PLSCR1: variants seen among roughly 807,000 people sequenced by gnomAD.
PLSCR1 encodes the protein phospholipid scramblase 1.
A neutral mutation model predicts 37.8 loss-of-function variants in PLSCR1; 17 were observed. The ratio of observed to expected loss-of-function variants is 0.45; its 90% CI spans 0.31 to 0.68. PLSCR1 has a LOEUF of 0.68. PLSCR1 is among the 30% of genes least tolerant of loss of function. The pLI, the probability that PLSCR1 is intolerant of heterozygous loss-of-function variation, is 0.06. For missense variants in PLSCR1, 347 were observed against 380.9 expected (o/e 0.91, Z 0.74); for synonymous variants, 116 against 125.9 (o/e 0.92, Z 0.53).
intron 3 of PLSCR1, among the ~76,000 whole-genome samples, chr3:146,530,371 C>A (rs1576791149): frequency 6.6e-6 from 1 of 152,064 alleles, no homozygotes; most frequent in Admixed American, 6.5e-5. Flanking sequence ...TGAATATTTA[C>A]AAATGATCAT....
chr3:146,520,555 C>T (rs1282528921), intron 7 of PLSCR1, among the ~76,000 whole-genome samples: 1 of 152,116 alleles, frequency 6.6e-6, no homozygotes, highest in East Asian at 1.9e-4. Context: ...ATATCACATC[C>T]TCCTTAGAAC....
chr3:146,529,416 T>A (rs2044165062), intron 3 of PLSCR1, among the ~76,000 whole-genome samples: 1 of 152,104 alleles, frequency 6.6e-6, no homozygotes. Context: ...GCTACACATC[T>A]TAAAAGAGCC....
intron 1 of PLSCR1, among the ~76,000 whole-genome samples, chr3:146,537,157 G>A (rs981093949): frequency 6.6e-6 from 1 of 151,594 alleles, no homozygotes; most frequent in Non-Finnish European, 1.5e-5. Context: ...ACTCTCAGGA[G>A]TTGTCACAGC....
chr3:146,532,148 A>G (rs986389931), intron 3 of PLSCR1, among the ~76,000 whole-genome samples: 1 of 152,174 alleles, frequency 6.6e-6, no homozygotes, highest in Non-Finnish European at 1.5e-5. Flanking sequence ...AGCCATATAT[A>G]TCTATATATA....
intron 1 of PLSCR1, chr3:146,536,850 C>G (rs756491213): frequency 3.4e-6 from 1 of 295,498 alleles, no homozygotes; most frequent in Admixed American, 4.7e-5. Flanking sequence ...CATAAAGACA[C>G]ACTATGAGCT....
chr3:146,523,224 T>C (rs1164758426), intron 5 of PLSCR1, among the ~76,000 whole-genome samples: 9 of 152,218 alleles, frequency 5.9e-5, no homozygotes, highest in African/African-American at 2.2e-4. Context: ...GGGCAACCCA[T>C]CCCTTCATTA....
intron 5 of PLSCR1, among the ~76,000 whole-genome samples, chr3:146,524,223 A>G (rs932091042): frequency 3.3e-5 from 5 of 152,228 alleles, no homozygotes; most frequent in African/African-American, 1.2e-4. Context: ...TTGTAAAACA[A>G]CATTGGTTTA....
At chr3:146,523,689 T>C (rs2044065609) in intron 5 of PLSCR1, among the ~76,000 whole-genome samples, 1 of 152,174 alleles carries the variant, frequency 6.6e-6, no homozygotes, top group Non-Finnish European at 1.5e-5. Flanking sequence ...ATCTAGACCG[T>C]GGGAATCCTA....
chr3:146,533,411 ACTCTCT>A (rs578150339), intron 3 of PLSCR1, 53 bp downstream of exon 3: 13 of 847,590 alleles, frequency 1.5e-5, no homozygotes, highest in Non-Finnish European at 2.3e-5. Context: ...TCCCACTCTC[ACTCTCT>A]CTCTCTGTCT....
chr3:146,537,809 C>G (rs930635265), intron 1 of PLSCR1, among the ~76,000 whole-genome samples: 4 of 152,112 alleles, frequency 2.6e-5, no homozygotes, highest in Non-Finnish European at 2.9e-5. Context: ...TATTGACGGT[C>G]TAATGAAGTA....
intron 1 of PLSCR1, among the ~76,000 whole-genome samples, chr3:146,537,326 T>C (rs1387291892): frequency 6.6e-6 from 1 of 152,166 alleles, no homozygotes; most frequent in Non-Finnish European, 1.5e-5. Context: ...CCATCTCCTG[T>C]AGATCCCGAT....
In PLSCR1 at chr3:146,521,705, T is replaced by C; in HGVS notation, c.577A>G (p.Ile193Val). 6.2e-7 allele frequency: 1 copy of C among 1,611,580 alleles called. No individual in the cohort carries two copies. Among genetic ancestry groups the C allele is most frequent in the Non-Finnish European group, 8.5e-7 (1 of 1,177,988 alleles). ...SCCCPCCLQE[I>V]EIQAPPGVPI... ...ACACCAGGAGGAGCTTGGATTTCTATCTACAAAGGCAAAATAATATATGTA... is the reference window on the plus strand; with the variant it reads ...ACACCAGGAGGAGCTTGGATTTCTACCTACAAAGGCAAAATAATATATGTA... Residue 193 changes from isoleucine to valine, a missense_variant and splice_region_variant, in exon 7 of 9, where the codon ATA becomes GTA. Coordinates refer to ENST00000342435, the MANE Select transcript of PLSCR1 (RefSeq NM_021105.3).
chr3:146,516,667 G>A (rs181686321), intron 8 of PLSCR1: 63 of 188,092 alleles, frequency 3.3e-4, no homozygotes, highest in African/African-American at 1.4e-3. Flanking sequence ...AAGTTTCCTT[G>A]TTTCACTAAA....
chr3:146,520,642 A>C (rs1037446542), intron 7 of PLSCR1, among the ~76,000 whole-genome samples: 3 of 152,138 alleles, frequency 2.0e-5, no homozygotes, highest in Non-Finnish European at 4.4e-5. Context: ...CTGACGGAGG[A>C]ATAAAATACC....
chr3:146,518,893 A>G (rs62272715), intron 7 of PLSCR1, among the ~76,000 whole-genome samples: 14,454 of 152,220 alleles, frequency 0.095, 683 homozygotes, highest in Middle Eastern at 0.13. Context: ...TTTCAAATCC[A>G]TGAGTGCAAT....
intron 1 of PLSCR1, among the ~76,000 whole-genome samples, chr3:146,537,303 G>A (rs906818369): frequency 6.6e-6 from 1 of 152,038 alleles, no homozygotes; most frequent in Non-Finnish European, 1.5e-5. Context: ...CTACTATCCT[G>A]TCACTACTTT....
chr3:146,539,256 T>C (rs1214969640), intron 1 of PLSCR1, among the ~76,000 whole-genome samples: 1 of 152,142 alleles, frequency 6.6e-6, no homozygotes, highest in African/African-American at 2.4e-5. Context: ...CAGTTCACAA[T>C]AGGGTTCTTG....
intron 4 of PLSCR1, 115 bp downstream of exon 4, chr3:146,528,499 A>G: frequency 1.2e-6 from 1 of 809,204 alleles, no homozygotes; most frequent in South Asian, 1.5e-5. Context: ...ATCTGTTAGC[A>G]GAAAATACAG....
chr3:146,522,001 T>A lies in PLSCR1; in HGVS notation c.408A>T (p.Gly136=). ...CTTCCGCTGCAAAGTAAACCCTCTG[T>A]CCAAAGCTGTTCTTAATTTCATATT... ...NNKYEIKNSF[G]QRVYFAAEDT... The change falls in exon 6 of 9, where the codon GGA becomes GGT. Residue 136 remains glycine (G), a synonymous_variant. Coordinates refer to ENST00000342435, the MANE Select transcript of PLSCR1 (RefSeq NM_021105.3). 6.2e-7 allele frequency: 1 copy of A among 1,613,150 alleles called. No individual in the cohort carries two copies. The highest frequency in any genetic ancestry group is 8.5e-7 in the Non-Finnish European group (1 of 1,179,086).
Sources: allele counts gnomAD v4.1 joint callset (sites outside exome capture counted in the v4.1 genomes callset), GRCh38; gene constraint gnomAD v4.1.1; transcripts MANE v1.5; gene names NCBI Gene and HGNC (gene_info 2026-07-23, HGNC 2026-07-21).